Variants in RGPD3 observed in about 807,000 individuals in gnomAD.
RGPD3 encodes the protein RANBP2 like and GRIP domain containing 3, also known as ranBP2-like and GRIP domain-containing protein 3.
A neutral mutation model predicts 154.5 loss-of-function variants in RGPD3; 62 were observed. The observed-to-expected ratio is 0.40, with a 90% CI of 0.33 to 0.50. The LOEUF is 0.50. RGPD3 is among the 20% of genes least tolerant of loss of function. The probability of loss-of-function intolerance (pLI) is 0.59; values close to 1 mark genes in which losing one functional copy is unlikely to be tolerated. For missense variants in RGPD3, 919 were observed against 1,716.8 expected (o/e 0.54, Z 8.21); for synonymous variants, 308 against 607.0 (o/e 0.51, Z 7.24).
rs770413421 is a variant in RGPD3, at chr2:106,468,234, C to T, written c.55G>A (p.Ala19Thr). 5.0e-6 allele frequency: 8 copies of T among 1,606,874 alleles called. No individual in the cohort carries two copies. The highest frequency in any genetic ancestry group is 2.2e-5 in the East Asian group (1 of 44,672). The change falls in exon 1 of 23, where the codon GCC (alanine) becomes ACC (threonine). Residue 19 changes from alanine to threonine, a missense_variant. Physicochemically the swap from Ala to Thr is moderately conservative, Grantham distance 58 (BLOSUM62 0). Transcript: ENST00000409886. Reference protein sequence around the residue: ...ERYVASVQGSAPSPRKKSTRG... With the variant: ...ERYVASVQGSTPSPRKKSTRG... Reference sequence around the variant, plus strand: ...CCACTCACCTTTCGAGGCGACGGGGCGGAGCCCTGCACCGAGGCGACGTAC... The same window carrying T: ...CCACTCACCTTTCGAGGCGACGGGGTGGAGCCCTGCACCGAGGCGACGTAC...
chr2:106,446,798 C>G (rs1677950817), intron 7 of RGPD3, among the ~76,000 whole-genome samples: 1 of 151,882 alleles, frequency 6.6e-6, no homozygotes, highest in South Asian at 2.1e-4. Flanking sequence ...AGGAGAATCA[C>G]TTGAACCCAG....
In RGPD3 at chr2:106,455,069, A is replaced by G. The variant is rs201606095; in HGVS notation, c.405+1902T>C. 9.8e-5 allele frequency among the ~76,000 whole-genome samples: 15 copies of G among 152,308 alleles called. No homozygotes were observed. The East Asian group carries it at 2.9e-3, about 30-fold the overall frequency. ...TAATCCCAGCACTTTGGGAGGCCAA[A>G]GTGGGTGGATCACCTGAGAACCCGG... On this transcript the variant is annotated intron_variant, in intron 4 of 22. Coordinates refer to ENST00000409886, the MANE Select transcript of RGPD3 (RefSeq NM_001144013.2).
chr2:106,450,119 C>T (rs1246358189), intron 6 of RGPD3, among the ~76,000 whole-genome samples: 3 of 143,222 alleles, frequency 2.1e-5, no homozygotes, highest in Non-Finnish European at 4.5e-5. Flanking sequence ...GTGGCTCATG[C>T]CTGTAATCCC....
In RGPD3 at chr2:106,425,069, T is replaced by G. The variant is rs1326451141; in HGVS notation, c.2898A>C (p.Thr966=). 16 of 1,611,844 alleles carry G rather than the reference T, an allele frequency of 9.9e-6. No homozygotes were observed. The highest frequency in any genetic ancestry group is 1.4e-5 in the Non-Finnish European group (16 of 1,179,858). ...KKGRGVIFGQ[T]SSTFTFADVA... is the part of the protein sequence containing the mutation. ...CATCTGCAAATGTAAAAGTGCTACTTGTTTGGCCAAAAATCACACCACGGC... is the reference window on the plus strand; with the variant it reads ...CATCTGCAAATGTAAAAGTGCTACTGGTTTGGCCAAAAATCACACCACGGC... Residue 966 remains threonine (T), a synonymous_variant, in exon 20 of 23, where the codon ACA becomes ACC. Coordinates refer to ENST00000409886, the MANE Select transcript of RGPD3 (RefSeq NM_001144013.2).
intron 7 of RGPD3, among the ~76,000 whole-genome samples, chr2:106,441,762 G>A (rs530378579): frequency 7.3e-5 from 11 of 149,956 alleles, no homozygotes; most frequent in Non-Finnish European, 1.3e-4. Context: ...TACACGGGAG[G>A]CTGAGGCACA....
rs1676451849 is a variant in RGPD3, at chr2:106,404,614, A to G, written c.*605T>C. ...TGACCTTGCAATAAATAGTCATAAAATGTTATTTTTATTACTATTATTATT... is the reference window on the plus strand; with the variant it reads ...TGACCTTGCAATAAATAGTCATAAAGTGTTATTTTTATTACTATTATTATT... On this transcript the variant is annotated 3_prime_UTR_variant, in exon 23 of 23. Transcript: ENST00000409886. 9.0e-6 allele frequency among the ~76,000 whole-genome samples: 1 copy of G among 111,328 alleles called. No individual in the cohort carries two copies. The highest frequency in any genetic ancestry group is 9.2e-5 in the Admixed American group (1 of 10,896). 73.0% of individuals were successfully genotyped at this position (111,328 alleles called of 152,430 possible).
intron 3 of RGPD3, among the ~76,000 whole-genome samples, 156 bp downstream of exon 3, chr2:106,457,411 A>G (rs1347105785): frequency 7.7e-4 from 118 of 152,334 alleles, no homozygotes; most frequent in African/African-American, 2.6e-3. Flanking sequence ...GTGTTAAACA[A>G]TTCTAAATCT....
At chr2:106,450,936 A>G (rs1253132495) in intron 6 of RGPD3, among the ~76,000 whole-genome samples, 3 of 145,472 alleles carry the variant, frequency 2.1e-5, no homozygotes, top group Non-Finnish European at 4.5e-5. Context: ...TAAAAATACA[A>G]AAATTAGCTG....
rs1573261803 is a variant in RGPD3 at position 106,429,937 on chromosome 2, G to A, written c.2470-156C>T. Among the ~76,000 whole-genome samples, 3 of 151,684 alleles carry A rather than the reference G, an allele frequency of 2.0e-5. No individual in the cohort carries two copies. In the East Asian group the frequency reaches 5.9e-4, roughly 30 times the overall value. ...CTCGATCTGTCGTCCAGGCTGGAGT[G>A]CAATGGCACAATCTTGGCTCACCGC... On this transcript the variant is annotated intron_variant, in intron 17 of 22. Coordinates refer to ENST00000409886, the MANE Select transcript of RGPD3 (RefSeq NM_001144013.2).
Position 106,424,785 on chromosome 2 carries a change from T to A in RGPD3, c.3182A>T (p.Tyr1061Phe), listed in dbSNP as rs1043390653. ...TCTAAATAGTTTTACCCCCTGTGAA[T>A]ACAGAACTTTTTCACCTTCTTCTCC... ...VTGEEGEKVL[Y>F]SQGVKLFRFD... The change falls in exon 20 of 23, where the codon TAT becomes TTT. Residue 1061 changes from tyrosine to phenylalanine, a missense_variant. Transcript: ENST00000409886. 12 of 1,611,884 alleles carry A rather than the reference T, an allele frequency of 7.4e-6. No homozygotes were observed. Among genetic ancestry groups the A allele is most frequent in the Non-Finnish European group, 1.0e-5 (12 of 1,179,836 alleles).
In RGPD3 at chr2:106,403,582, G is replaced by T. The variant is rs1232988338; in HGVS notation, c.*1637C>A. 2.0e-5 allele frequency among the ~76,000 whole-genome samples: 3 copies of T among 152,244 alleles called. No homozygotes were observed. Among genetic ancestry groups the T allele is most frequent in the Admixed American group, 6.5e-5 (1 of 15,280 alleles). ...AAACAAGTTTATACAGACTTCAAAA[G>T]GTCTCAAGTCAAAGAGAAAGTGAAA... On this transcript the variant is annotated 3_prime_UTR_variant, in exon 23 of 23. Coordinates refer to ENST00000409886, the MANE Select transcript of RGPD3 (RefSeq NM_001144013.2).
intron 21 of RGPD3, among the ~76,000 whole-genome samples, chr2:106,415,380 A>G (rs942077740): frequency 2.5e-4 from 38 of 152,284 alleles, no homozygotes; most frequent in African/African-American, 8.2e-4. Context: ...TGTAATAGGT[A>G]TAAAAGAAGT....
intron 6 of RGPD3, among the ~76,000 whole-genome samples, chr2:106,449,506 C>T (rs1317338410): frequency 2.7e-5 from 4 of 146,394 alleles, no homozygotes; most frequent in Non-Finnish European, 6.0e-5. Context: ...TATTAACACA[C>T]AATAGGGCTT....
rs577262447 is a variant in RGPD3, at chr2:106,424,280, G to A, written c.3687C>T (p.Ala1229=). The change falls in exon 20 of 23, where the codon GCC becomes GCT. Residue 1229 remains alanine (A), a synonymous_variant. Transcript: ENST00000409886. ...EENKGSGTGA[A]GASDTTIKPN... ...GTTTTATTGTTGTGTCTGAGGCACCGGCCGCACCTGTACCTGAACCCTTAT... is the reference window on the plus strand; with the variant it reads ...GTTTTATTGTTGTGTCTGAGGCACCAGCCGCACCTGTACCTGAACCCTTAT... 1.6e-5 allele frequency: 25 copies of A among 1,611,924 alleles called. No homozygotes were observed. The highest frequency in any genetic ancestry group is 6.6e-5 in the South Asian group (6 of 90,980).
chr2:106,438,142 G>A (rs1344668296), intron 9 of RGPD3, among the ~76,000 whole-genome samples: 1 of 151,574 alleles, frequency 6.6e-6, no homozygotes, highest in Non-Finnish European at 1.5e-5. Flanking sequence ...TGGCCAGGAT[G>A]GTCTTGAACT....
intron 1 of RGPD3, among the ~76,000 whole-genome samples, chr2:106,466,352 A>G (rs1472398692): frequency 6.7e-6 from 1 of 150,062 alleles, no homozygotes; most frequent in African/African-American, 2.5e-5. Context: ...CGCCTGAGCC[A>G]TCGAGGCCGC....
upstream of RGPD3, chr2:106,468,499 C>G (rs1202261891): frequency 1.0e-6 from 1 of 982,696 alleles, no homozygotes; most frequent in Non-Finnish European, 1.4e-6. Flanking sequence ...CTTGGCAGCA[C>G]CCTGTGCTCT....
At position 106,403,413 on chromosome 2, in the gene RGPD3, A is replaced by G. The variant is rs1573231562; in HGVS notation, c.*1806T>C. ...AGAGCTGCCATAAAAATATACAGTT[A>G]AACATATTTAATAGAAATATTAAAA... On this transcript the variant is annotated 3_prime_UTR_variant, in exon 23 of 23. Transcript: ENST00000409886. Among the ~76,000 whole-genome samples the G allele has an allele frequency of 6.6e-6, 1 of 152,082 alleles. No individual in the cohort carries two copies. The highest frequency in any genetic ancestry group is 2.1e-4 in the South Asian group (1 of 4,820).
chr2:106,408,647 T>C (rs1028599419), intron 22 of RGPD3, among the ~76,000 whole-genome samples: 7 of 147,730 alleles, frequency 4.7e-5, no homozygotes, highest in Admixed American at 1.4e-4. Context: ...ATTCAACATA[T>C]TCTAATGTTT....
Sources: gnomAD v4.1 joint callset for allele counts (sites outside exome capture counted in the v4.1 genomes callset) on GRCh38, gnomAD v4.1.1 for gene constraint, MANE v1.5 for transcripts, NCBI Gene and HGNC (gene_info 2026-07-23, HGNC 2026-07-21) for gene names.